SETDB1: variants seen among roughly 807,000 people sequenced by gnomAD.
SETDB1 encodes SET domain bifurcated histone lysine methyltransferase 1.
Under a neutral mutation model 137.4 loss-of-function variants are expected in SETDB1, and 31 were observed. That is an observed-to-expected ratio of 0.23 (90% CI 0.17 to 0.30). The LOEUF is 0.30. Among genes scored for constraint, SETDB1 ranks in the 10% least tolerant of loss-of-function variants. SETDB1 has a pLI of 1.00. For missense variants in SETDB1, 1,113 were observed against 1,631.5 expected (o/e 0.68, Z 5.47); for synonymous variants, 548 against 579.9 (o/e 0.95, Z 0.79).
chr1:150,962,856 C>G (rs1330792792), intron 18 of SETDB1, 118 bp from the exon 19 acceptor site: 1 of 1,455,236 alleles, frequency 6.9e-7, no homozygotes, highest in Non-Finnish European at 9.4e-7. Flanking sequence ...TTTCTTTCAT[C>G]CAGCATCTAA....
chr1:150,949,066 G>A (rs1670418425), intron 10 of SETDB1, 56 bp from the exon 11 acceptor site: 2 of 1,509,716 alleles, frequency 1.3e-6, no homozygotes, highest in South Asian at 2.3e-5. Context: ...ATGTGTGACT[G>A]AATACAAGCG....
chr1:150,929,615 C>T (rs1669661796), intron 2 of SETDB1, among the ~76,000 whole-genome samples: 1 of 151,970 alleles, frequency 6.6e-6, no homozygotes, highest in Non-Finnish European at 1.5e-5. Flanking sequence ...TTCCTGACCT[C>T]AAGTGATCTA....
chr1:150,947,684 G>T (rs1670370549), intron 10 of SETDB1, among the ~76,000 whole-genome samples: 1 of 152,198 alleles, frequency 6.6e-6, no homozygotes, highest in Non-Finnish European at 1.5e-5. Context: ...GTTGAGGTGG[G>T]AGGATCAATT....
chr1:150,949,273 CAGTG>C lies in SETDB1; in HGVS notation c.1424+4_1424+7del. On this transcript the variant is annotated frameshift_variant and splice_region_variant, in exon 11 of 22. Transcript: ENST00000692827. LOFTEE classifies it high-confidence loss of function. ...CACCTCTATCCCCCCAAGCAGGTGA[CAGTG>C]AGTGAGTGTTATTCTTTCTTTTTCT... 6.2e-7 allele frequency: 1 copy of C among 1,613,802 alleles called. No homozygotes were observed. The highest frequency in any genetic ancestry group is 8.5e-7 in the Non-Finnish European group (1 of 1,179,854).
chr1:150,945,451 A>G (rs1670294532), intron 9 of SETDB1: 3 of 422,768 alleles, frequency 7.1e-6, no homozygotes, highest in Non-Finnish European at 1.2e-5. Context: ...AAGAAGAGGG[A>G]TCAAGGAGTC....
At chr1:150,936,396 CAG>C (rs1669946457) in intron 3 of SETDB1, among the ~76,000 whole-genome samples, 1 of 152,100 alleles carries the variant, frequency 6.6e-6, no homozygotes, top group Non-Finnish European at 1.5e-5. Flanking sequence ...CGAATGCATT[CAG>C]AGTTACATTT....
At chr1:150,939,087 C>T (rs1670046969) in intron 3 of SETDB1, among the ~76,000 whole-genome samples, 1 of 151,702 alleles carries the variant, frequency 6.6e-6, no homozygotes, top group African/African-American at 2.4e-5. Flanking sequence ...GCTGGGATTA[C>T]AGGTGCCTGC....
At chr1:150,944,779 C>A in intron 8 of SETDB1, 139 bp from the exon 9 acceptor site, 1 of 851,324 alleles carries the variant, frequency 1.2e-6, no homozygotes, top group Non-Finnish European at 1.8e-6. Flanking sequence ...GTGGTCTTGG[C>A]TTTGCTTCCC....
At chr1:150,960,202 G>A (rs969372639) in intron 15 of SETDB1, among the ~76,000 whole-genome samples, 4 of 151,864 alleles carry the variant, frequency 2.6e-5, no homozygotes, top group African/African-American at 9.7e-5. Flanking sequence ...GGCCGGGTGC[G>A]GTGGCTAACA....
chr1:150,951,435 A>G lies in SETDB1; in HGVS notation c.2287A>G (p.Asn763Asp). 4 of 1,613,636 alleles carry G rather than the reference A, an allele frequency of 2.5e-6. No individual in the cohort carries two copies. The highest frequency in any genetic ancestry group is 3.4e-6 in the Non-Finnish European group (4 of 1,179,524). Residue 763 changes from asparagine (N) to aspartate (D), a missense_variant, in exon 14 of 22, where the codon AAC becomes GAC. Coordinates refer to ENST00000692827, the MANE Select transcript of SETDB1 (RefSeq NM_001366418.1). ...TACCCCAGGAGGCCAAATCAACCCTAACTCTGGCTACCAGTACAAGAGACT... is the reference window on the plus strand; with the variant it reads ...TACCCCAGGAGGCCAAATCAACCCTGACTCTGGCTACCAGTACAAGAGACT... The part of the protein sequence containing the change: ...ACTPGGQINP[N>D]SGYQYKRLEE...
intron 2 of SETDB1, among the ~76,000 whole-genome samples, chr1:150,928,863 C>A (rs1311239079): frequency 3.3e-5 from 5 of 151,890 alleles, no homozygotes; most frequent in Admixed American, 3.3e-4. Flanking sequence ...TCTGTCCTTG[C>A]TATAGTTTGC....
At chr1:150,948,977 C>T (rs1358534423) in intron 10 of SETDB1, 145 bp from the exon 11 acceptor site, 14 of 818,886 alleles carry the variant, frequency 1.7e-5, no homozygotes, top group Admixed American at 1.1e-4. Flanking sequence ...CTTCGGCCTC[C>T]CAAACTGCTG....
chr1:150,961,864 A>C, intron 16 of SETDB1: 1 of 531,948 alleles, frequency 1.9e-6, no homozygotes, highest in Non-Finnish European at 3.4e-6. Context: ...TCCACATTAC[A>C]GATGGTGAAA....
At chr1:150,941,077 C>T (rs888988919) in intron 4 of SETDB1, among the ~76,000 whole-genome samples, 1 of 151,830 alleles carries the variant, frequency 6.6e-6, no homozygotes, top group Non-Finnish European at 1.5e-5. Flanking sequence ...GCAGGAGAAT[C>T]GCTTGAACCC....
In SETDB1 at chr1:150,950,705, C is replaced by T; in HGVS notation, c.1831C>T (p.Arg611Trp). 1.2e-6 allele frequency: 2 copies of T among 1,614,180 alleles called. No individual in the cohort carries two copies. The highest frequency in any genetic ancestry group is 1.7e-6 in the Non-Finnish European group (2 of 1,180,034). Reference protein sequence around the residue: ...LLVPLLYDFRRMTARRRVNRK... With the variant: ...LLVPLLYDFRWMTARRRVNRK... ...GGTCCCGTTACTATATGACTTCCGG[C>T]GGATGACAGCCCGGCGTCGAGTTAA... The change falls in exon 13 of 22, where the codon CGG becomes TGG. Residue 611 changes from arginine (R) to tryptophan (W), a missense_variant. By Grantham distance (101) the Arg-to-Trp change is moderately radical. Transcript: ENST00000692827.
intron 10 of SETDB1, among the ~76,000 whole-genome samples, chr1:150,948,561 G>A (rs587704845): frequency 9.2e-5 from 14 of 152,132 alleles, no homozygotes; most frequent in African/African-American, 2.9e-4. Context: ...ATGAGCCACC[G>A]CGCCTGGCCG....
chr1:150,963,503 C>G (rs1307396642), intron 19 of SETDB1, 27 bp from the exon 20 acceptor site: 1 of 1,578,024 alleles, frequency 6.3e-7, no homozygotes, highest in Non-Finnish European at 8.7e-7. Flanking sequence ...TGGGATGGGT[C>G]CTGACCCCAT....
chr1:150,964,335 G>A lies in SETDB1; in HGVS notation c.3850G>A (p.Ala1284Thr). ...EGKELLCCCG[A>T]IECRGRLL ...CAAGGAGCTACTCTGTTGCTGTGGG[G>A]CCATTGAATGCAGAGGACGTCTTCT... The change falls in exon 22 of 22, where the codon GCC becomes ACC. Residue 1284 changes from alanine (A) to threonine (T), a missense_variant. Around this residue, in one of 11 missense-constraint regions of SETDB1, gnomAD observed 37 missense variants for 123.2 expected, o/e 0.30. Coordinates refer to ENST00000692827, the MANE Select transcript of SETDB1 (RefSeq NM_001366418.1). 3 of 1,613,816 alleles carry A rather than the reference G, an allele frequency of 1.9e-6. No homozygotes were observed. The highest frequency in any genetic ancestry group is 2.5e-6 in the Non-Finnish European group (3 of 1,179,696).
chr1:150,963,855 T>TA (rs770412221), intron 20 of SETDB1, 114 bp downstream of exon 20: 849 of 1,308,618 alleles, frequency 6.5e-4, no homozygotes, highest in Non-Finnish European at 8.7e-4. Flanking sequence ...CAAAGGATCT[T>TA]AAAGAGGTAG....
Sources: gnomAD v4.1 joint callset for allele counts (sites outside exome capture counted in the v4.1 genomes callset) on GRCh38, gnomAD v4.1.1 for gene constraint, gnomAD v4.1.1 regional missense constraint, MANE v1.5 for transcripts, NCBI Gene and HGNC (gene_info 2026-07-23, HGNC 2026-07-21) for gene names.